Variants in ANKRD30BL observed in about 807,000 individuals in gnomAD.
ANKRD30BL encodes putative ankyrin repeat domain-containing protein 30B-like.
In ANKRD30BL, 20 loss-of-function variants were observed where a neutral mutation model predicts 18.4. The observed-to-expected ratio is 1.09, with a 90% CI of 0.77 to 1.58. The LOEUF (loss-of-function observed/expected upper bound fraction) is 1.58, where lower values mean the gene tolerates loss of function less well. Among genes scored for constraint, ANKRD30BL ranks in the 40% most tolerant of loss-of-function variants. The pLI is 0.00. For synonymous variants in ANKRD30BL, 72 were observed against 100.9 expected (o/e 0.71, Z 1.72); for missense variants, 224 against 268.6 (o/e 0.83, Z 1.16).
intron 1 of ANKRD30BL, among the ~76,000 whole-genome samples, chr2:132,240,789 G>C (rs1206059439): frequency 6.6e-6 from 1 of 151,692 alleles, no homozygotes. Context: ...TCTGGAAGTG[G>C]ACATTTGGAG....
At chr2:132,215,255 C>T (rs1679466836) in intron 1 of ANKRD30BL, among the ~76,000 whole-genome samples, 1 of 152,264 alleles carries the variant, frequency 6.6e-6, no homozygotes, top group African/African-American at 2.4e-5. Flanking sequence ...CAGAGTTGAA[C>T]ATTTCTTTTG....
chr2:132,195,300 G>A (rs183744091), intron 1 of ANKRD30BL, among the ~76,000 whole-genome samples: 63 of 152,224 alleles, frequency 4.1e-4, no homozygotes, highest in Non-Finnish European at 5.1e-4. Context: ...GACATGTAGA[G>A]AACTTCTCAT....
chr2:132,187,188 G>GTTTTTTTTTTTTT (rs1193358076), intron 1 of ANKRD30BL, among the ~76,000 whole-genome samples: 3 of 90,620 alleles, frequency 3.3e-5, no homozygotes, highest in Admixed American at 1.3e-4. Context: ...TTTTTTGTTT[G>GTTTTTTTTTTTTT]TTTTTTTTTT....
At chr2:132,236,378 G>C (rs893628259) in intron 1 of ANKRD30BL, among the ~76,000 whole-genome samples, 3 of 151,980 alleles carry the variant, frequency 2.0e-5, no homozygotes, top group Non-Finnish European at 2.9e-5. Context: ...CTACTCATCT[G>C]ACAAAGGGCT....
chr2:132,193,946 A>G (rs1038768381), intron 1 of ANKRD30BL, among the ~76,000 whole-genome samples: 2 of 151,716 alleles, frequency 1.3e-5, no homozygotes, highest in Non-Finnish European at 2.9e-5. Flanking sequence ...AAAGACAAGA[A>G]ATACGTCACC....
intron 1 of ANKRD30BL, among the ~76,000 whole-genome samples, chr2:132,157,761 A>AG (rs1268471220): frequency 5.3e-5 from 8 of 152,204 alleles, no homozygotes; most frequent in African/African-American, 1.4e-4. Context: ...GTTATCTCAC[A>AG]GGACATCACT....
intron 1 of ANKRD30BL, among the ~76,000 whole-genome samples, chr2:132,193,314 C>T (rs1341442277): frequency 5.9e-5 from 9 of 152,106 alleles, no homozygotes; most frequent in Non-Finnish European, 1.2e-4. Context: ...TTTTCAACAG[C>T]GTAAATCAAT....
intron 1 of ANKRD30BL, among the ~76,000 whole-genome samples, chr2:132,239,302 C>T (rs370049724): frequency 8.6e-5 from 13 of 151,320 alleles, no homozygotes; most frequent in Admixed American, 2.0e-4. Flanking sequence ...AATATCTTCA[C>T]AAAAAACTAG....
intron 1 of ANKRD30BL, among the ~76,000 whole-genome samples, chr2:132,176,668 G>A (rs1688371820): frequency 1.3e-5 from 2 of 152,104 alleles, no homozygotes; most frequent in African/African-American, 4.8e-5. Flanking sequence ...GTGCCTGCCT[G>A]TGATCCCAGA....
intron 1 of ANKRD30BL, among the ~76,000 whole-genome samples, chr2:132,256,641 GC>G (rs1680849539): frequency 6.6e-6 from 1 of 152,166 alleles, no homozygotes; most frequent in Non-Finnish European, 1.5e-5. Context: ...CGCCACTGTC[GC>G]GGCCAGCCCC....
chr2:132,200,118 A>T (rs1679065408), intron 1 of ANKRD30BL, among the ~76,000 whole-genome samples: 1 of 152,062 alleles, frequency 6.6e-6, no homozygotes, highest in Admixed American at 6.6e-5. Context: ...AACTCTCAAT[A>T]AATTAGGTAT....
rs1362769611 is a variant in ANKRD30BL, at chr2:132,220,296, C to G, written n.441+37233G>C. 6.2e-5 allele frequency among the ~76,000 whole-genome samples: 9 copies of G among 144,046 alleles called. No homozygotes were observed. The East Asian group carries it at 1.1e-3, about 18-fold the overall frequency. 94.5% of individuals were successfully genotyped at this position (144,046 alleles called of 152,430 possible). ...CTGTTTTTGGCCTCTCCCTCTCCCT[C>G]TCCCTGTCCCTCTCCCTCTCCCTCT... On this transcript the variant is annotated intron_variant and non_coding_transcript_variant, in intron 1 of 4. Coordinates refer to the ANKRD30BL transcript ENST00000470729.
intron 1 of ANKRD30BL, among the ~76,000 whole-genome samples, chr2:132,196,016 C>T (rs1028768163): frequency 7.3e-5 from 11 of 151,140 alleles, no homozygotes; most frequent in African/African-American, 2.7e-4. Flanking sequence ...GTGGTGGGCA[C>T]CTGTAGTCCC....
chr2:132,211,589 C>T (rs1430043759), intron 1 of ANKRD30BL, among the ~76,000 whole-genome samples: 14 of 151,670 alleles, frequency 9.2e-5, no homozygotes, highest in Non-Finnish European at 2.1e-4. Flanking sequence ...TAGACAGACG[C>T]ATTGTGAGAA....
intron 1 of ANKRD30BL, among the ~76,000 whole-genome samples, chr2:132,253,974 GCTGGGACA>G (rs1280287483): frequency 1.3e-5 from 2 of 151,872 alleles, no homozygotes; most frequent in African/African-American, 2.4e-5. Flanking sequence ...GCAGGATGGG[GCTGGGACA>G]GTGGGACAGG....
chr2:132,220,965 C>T (rs1400451529), intron 1 of ANKRD30BL, among the ~76,000 whole-genome samples: 1 of 151,828 alleles, frequency 6.6e-6, no homozygotes, highest in African/African-American at 2.4e-5. Flanking sequence ...AGGAGCGTCT[C>T]TGCCCGGCCG....
chr2:132,230,681 T>G (rs6733931), intron 1 of ANKRD30BL, among the ~76,000 whole-genome samples: 3,245 of 152,232 alleles, frequency 0.021, 111 homozygotes, highest in African/African-American at 0.074. Flanking sequence ...TCTCACAAAC[T>G]TCTTTGTGAT....
intron 1 of ANKRD30BL, among the ~76,000 whole-genome samples, chr2:132,194,359 G>A (rs1678922676): frequency 6.6e-6 from 1 of 152,186 alleles, no homozygotes; most frequent in Admixed American, 6.5e-5. Flanking sequence ...TTGAAATGCA[G>A]GTATCCTGAA....
At chr2:132,256,892 G>A (rs1553432696) in intron 1 of ANKRD30BL, 1 of 453,196 alleles carries the variant, frequency 2.2e-6, no homozygotes, top group Non-Finnish European at 4.4e-6. Context: ...GGCAGGGTGG[G>A]GGGCACAGAC....
Sources: allele counts gnomAD v4.1 joint callset (sites outside exome capture counted in the v4.1 genomes callset), GRCh38; gene constraint gnomAD v4.1.1; transcripts MANE v1.5; gene names NCBI Gene and HGNC (gene_info 2026-07-23, HGNC 2026-07-21).